Variants in NKAIN2 observed in about 807,000 individuals in gnomAD.
The protein encoded by NKAIN2 is sodium/potassium-transporting ATPase subunit beta-1-interacting protein 2.
Under a neutral mutation model 32.6 loss-of-function variants are expected in NKAIN2, and 14 were observed. The ratio of observed to expected loss-of-function variants is 0.43; its 90% CI spans 0.28 to 0.67. The LOEUF is 0.67. Ranked by LOEUF, NKAIN2 falls within the 30% of genes least tolerant of loss-of-function variation. The pLI is 0.17. For missense variants in NKAIN2, 198 were observed against 258.3 expected, an observed-to-expected ratio of 0.77 and a Z score of 1.60; for synonymous variants, 80 against 87.2, an observed-to-expected ratio of 0.92 and a Z score of 0.46.
chr6:124,158,856 T>C (rs73562422), intron 1 of NKAIN2, among the ~76,000 whole-genome samples: 1,962 of 152,296 alleles, frequency 0.013, 38 homozygotes, highest in African/African-American at 0.045. Context: ...TTATAGTAAG[T>C]ATCCAACACA....
At chr6:124,658,665 G>A in intron 4 of NKAIN2, 1 of 694,864 alleles carries the variant, frequency 1.4e-6, no homozygotes, top group Non-Finnish European at 2.3e-6. Context: ...ACTTTTGGTA[G>A]ACTTTTCCAA....
intron 1 of NKAIN2, among the ~76,000 whole-genome samples, chr6:123,846,808 C>T (rs1490476884): frequency 6.7e-6 from 1 of 149,766 alleles, no homozygotes; most frequent in African/African-American, 2.4e-5. Flanking sequence ...CATTCTATTA[C>T]CACCCCCCAC....
At chr6:123,990,852 C>T (rs1337703569) in intron 1 of NKAIN2, among the ~76,000 whole-genome samples, 1 of 152,074 alleles carries the variant, frequency 6.6e-6, no homozygotes, top group African/African-American at 2.4e-5. Context: ...AGTTTGTCAC[C>T]AAAGGTTGGG....
At chr6:123,841,570 T>A (rs1774870719) in intron 1 of NKAIN2, among the ~76,000 whole-genome samples, 1 of 152,172 alleles carries the variant, frequency 6.6e-6, no homozygotes, top group Non-Finnish European at 1.5e-5. Context: ...CCATCCATCA[T>A]CAACAGGAAG....
intron 1 of NKAIN2, among the ~76,000 whole-genome samples, chr6:123,905,760 A>G (rs1774835085): frequency 1.3e-5 from 2 of 152,198 alleles, no homozygotes; most frequent in Non-Finnish European, 2.9e-5. Flanking sequence ...GATGGAAGTG[A>G]ACCAGTTTTA....
chr6:124,289,970 C>T (rs558791406), intron 2 of NKAIN2, among the ~76,000 whole-genome samples: 1 of 151,976 alleles, frequency 6.6e-6, no homozygotes, highest in South Asian at 2.1e-4. Flanking sequence ...ACTTGAGATA[C>T]TAGTAAATTA....
At chr6:124,571,426 AG>A (rs1373761853) in intron 3 of NKAIN2, among the ~76,000 whole-genome samples, 3 of 152,140 alleles carry the variant, frequency 2.0e-5, no homozygotes, top group Non-Finnish European at 4.4e-5. Context: ...GTGTTGTGGG[AG>A]GGACCCAGAA....
chr6:124,434,617 ACTAC>A (rs1775358721), intron 3 of NKAIN2, among the ~76,000 whole-genome samples: 1 of 152,214 alleles, frequency 6.6e-6, no homozygotes, highest in East Asian at 1.9e-4. Flanking sequence ...TTCTACTGCC[ACTAC>A]ATAGGCAGAT....
intron 1 of NKAIN2, among the ~76,000 whole-genome samples, chr6:123,994,770 A>G (rs1345076519): frequency 6.6e-6 from 1 of 152,286 alleles, no homozygotes; most frequent in Middle Eastern, 3.4e-3. Flanking sequence ...CTCCATACAT[A>G]TTACAAATGC....
intron 4 of NKAIN2, among the ~76,000 whole-genome samples, chr6:124,785,691 C>A (rs73770556): frequency 6.6e-6 from 1 of 152,100 alleles, no homozygotes; most frequent in Non-Finnish European, 1.5e-5. Flanking sequence ...TCCTGCCCCC[C>A]ACTAGCCTCT....
chr6:124,021,908 A>ATTC (rs1389494326), intron 1 of NKAIN2, among the ~76,000 whole-genome samples: 5 of 152,076 alleles, frequency 3.3e-5, no homozygotes, highest in Non-Finnish European at 7.4e-5. Context: ...TTTTATTATT[A>ATTC]TTATACTTTA....
chr6:124,320,901 G>A (rs1562488969), intron 2 of NKAIN2, among the ~76,000 whole-genome samples: 1 of 152,102 alleles, frequency 6.6e-6, no homozygotes, highest in Non-Finnish European at 1.5e-5. Flanking sequence ...GATGAGAAAT[G>A]AGGACATTAA....
At chr6:124,741,873 A>T in intron 4 of NKAIN2, among the ~76,000 whole-genome samples, 1 of 151,918 alleles carries the variant, frequency 6.6e-6, no homozygotes, top group East Asian at 1.9e-4. Context: ...ATAATAAGAA[A>T]GTTGTGTCCA....
chr6:124,766,010 C>A (rs1778498364), intron 4 of NKAIN2, among the ~76,000 whole-genome samples: 1 of 152,190 alleles, frequency 6.6e-6, no homozygotes, highest in Non-Finnish European at 1.5e-5. Context: ...TAGATAATGG[C>A]TATTTTTCAT....
In NKAIN2 at chr6:124,748,272, G is replaced by A. The variant is rs188162543; in HGVS notation, c.475-43067G>A. On this transcript the variant is annotated intron_variant, in intron 4 of 6. Transcript: ENST00000368417. ...TTTACACAGCCCCATTAGACTGGGAGTTCTGTAATGGGTAAGCCAGCAGTT... is the reference window on the plus strand; with the variant it reads ...TTTACACAGCCCCATTAGACTGGGAATTCTGTAATGGGTAAGCCAGCAGTT... Among the ~76,000 whole-genome samples the A allele has an allele frequency of 1.7e-4, 26 of 152,108 alleles. 1 individual carries two copies. The East Asian group carries it at 3.7e-3, about 22-fold the overall frequency.
chr6:124,640,591 C>T (rs964269489), intron 3 of NKAIN2, among the ~76,000 whole-genome samples: 1 of 152,134 alleles, frequency 6.6e-6, no homozygotes, highest in African/African-American at 2.4e-5. Flanking sequence ...ACATTGGAAA[C>T]TATAAAGTCA....
intron 4 of NKAIN2, among the ~76,000 whole-genome samples, chr6:124,782,775 A>G (rs1779332581): frequency 6.6e-6 from 1 of 152,094 alleles, no homozygotes; most frequent in Non-Finnish European, 1.5e-5. Context: ...AATTGTGTAC[A>G]TTTTACAGAA....
At chr6:124,596,726 T>G (rs659345) in intron 3 of NKAIN2, among the ~76,000 whole-genome samples, 20,097 of 151,264 alleles carry the variant, frequency 0.13, 1,540 homozygotes, top group Middle Eastern at 0.24. Context: ...TATATACAAA[T>G]AAATATAAAT....
At chr6:124,545,795 T>C (rs1294154810) in intron 3 of NKAIN2, among the ~76,000 whole-genome samples, 1 of 152,076 alleles carries the variant, frequency 6.6e-6, no homozygotes, top group Non-Finnish European at 1.5e-5. Flanking sequence ...ATTGGTAAAA[T>C]TGGCTTTCAC....
Sources: gnomAD v4.1 joint callset for allele counts (sites outside exome capture counted in the v4.1 genomes callset) on GRCh38, gnomAD v4.1.1 for gene constraint, MANE v1.5 for transcripts, NCBI Gene and HGNC (gene_info 2026-07-23, HGNC 2026-07-21) for gene names.